ATIC: variants seen among roughly 807,000 people sequenced by gnomAD.
ATIC encodes bifunctional purine biosynthesis protein ATIC.
ATIC carries 64 observed loss-of-function variants against 72.5 expected under a neutral mutation model. The ratio of observed to expected loss-of-function variants is 0.88; its 90% confidence interval spans 0.72 to 1.09. The LOEUF is 1.09. ATIC is among the 50% of genes least tolerant of loss of function. ATIC has a pLI of 0.00. For missense variants in ATIC, 787 were observed against 732.4 expected (o/e 1.07, Z -0.86); for synonymous variants, 281 against 267.1 (o/e 1.05, Z -0.51).
the ATIC span, chr2:215,365,086 C>T: frequency 2.6e-6 from 2 of 760,074 alleles, no homozygotes; most frequent in East Asian, 2.7e-5. Context: ...TGTATCATCA[C>T]AGCGCAAACA....
chr2:215,361,842 C>T, the ATIC span: 1 of 1,335,948 alleles, frequency 7.5e-7, no homozygotes, highest in South Asian at 1.3e-5. Flanking sequence ...CAGTGTTTCA[C>T]TTAAGTCATT....
chr2:215,347,000 G>C, intron 14 of ATIC, 59 bp downstream of exon 14: 1 of 1,574,104 alleles, frequency 6.4e-7, no homozygotes, highest in South Asian at 1.1e-5. Flanking sequence ...CCCTTTATGT[G>C]TAACAGATTT....
chr2:215,348,415 A>ATCTAC (rs2053093988), intron 14 of ATIC, among the ~76,000 whole-genome samples: 3 of 152,222 alleles, frequency 2.0e-5, no homozygotes, highest in African/African-American at 7.2e-5. Flanking sequence ...GTAGTCTAAT[A>ATCTAC]GACATAAAGT....
intron 7 of ATIC, among the ~76,000 whole-genome samples, chr2:215,330,558 G>A (rs1983462): frequency 0.31 from 46,442 of 151,892 alleles, 7,694 homozygotes; most frequent in African/African-American, 0.39. Context: ...TGTACATTCT[G>A]TGTATTTGGA....
At chr2:215,335,873 C>A in intron 10 of ATIC, 162 bp from the exon 11 acceptor site, 1 of 614,146 alleles carries the variant, frequency 1.6e-6, no homozygotes, top group Non-Finnish European at 2.8e-6. Context: ...AAGCTGTATT[C>A]TAATAGATTT....
At chr2:215,312,349 A>C (rs2052662196) in intron 1 of ATIC, 149 bp from the exon 2 acceptor site, 1 of 1,520,936 alleles carries the variant, frequency 6.6e-7, no homozygotes, top group Non-Finnish European at 9.0e-7. Context: ...CGGGTGTAAG[A>C]CCTGGGGAGG....
At chr2:215,365,373 G>T in the ATIC span, 1 of 991,628 alleles carries the variant, frequency 1.0e-6, no homozygotes, top group Non-Finnish European at 1.6e-6. Context: ...CAAATCAAAA[G>T]ATTAAGAAAC....
intron 9 of ATIC, among the ~76,000 whole-genome samples, chr2:215,334,605 C>A (rs934653743): frequency 2.0e-5 from 3 of 152,130 alleles, no homozygotes; most frequent in Admixed American, 1.3e-4. Context: ...GAAACTATTA[C>A]CATAGTTTAT....
At chr2:215,332,536 G>A (rs1221672111) in intron 8 of ATIC, 29 bp downstream of exon 8, 1 of 1,611,918 alleles carries the variant, frequency 6.2e-7, no homozygotes, top group Non-Finnish European at 8.5e-7. Flanking sequence ...GAAAGCTCCA[G>A]AATTGTTCGA....
Position 215,349,626 on chromosome 2 carries a change from C to G in ATIC, c.1750C>G (p.His584Asp). The change falls in exon 16 of 16, where the codon CAT becomes GAT. Residue 584 changes from histidine (H) to aspartate (D), a missense_variant. By Grantham distance (81) the His-to-Asp change is moderately conservative. Transcript: ENST00000236959. Reference sequence around the variant, plus strand: ...CGACGAACTGGGAATCATCCTCGCTCATACGAACCTTCGGCTCTTCCACCA... The same window carrying G: ...CGACGAACTGGGAATCATCCTCGCTGATACGAACCTTCGGCTCTTCCACCA... ...ACDELGIILA[H>D]TNLRLFHH is the part of the protein sequence containing the mutation. 1 of 1,614,200 alleles carries G rather than the reference C, an allele frequency of 6.2e-7. No homozygotes were observed. The highest frequency in any genetic ancestry group is 8.5e-7 in the Non-Finnish European group (1 of 1,180,042).
At chr2:215,344,718 A>T in intron 12 of ATIC, 61 bp from the exon 13 acceptor site, 1 of 1,483,558 alleles carries the variant, frequency 6.7e-7, no homozygotes, top group East Asian at 2.3e-5. Flanking sequence ...TAAAAAAAGA[A>T]GCTTAAAGTT....
chr2:215,325,167 GT>G (rs753599464), intron 4 of ATIC, 73 bp from the exon 5 acceptor site: 11 of 1,131,404 alleles, frequency 9.7e-6, no homozygotes, highest in South Asian at 2.5e-5. Context: ...GTACTGACTT[GT>G]TTTTTTCCTA....
intron 15 of ATIC, 53 bp downstream of exon 15, chr2:215,349,302 G>A (rs778190948): frequency 1.2e-6 from 2 of 1,608,652 alleles, no homozygotes; most frequent in Non-Finnish European, 1.7e-6. Flanking sequence ...TGTAGAAACT[G>A]TTTCAGAAAT....
At chr2:215,343,662 A>G (rs1474292181) in intron 12 of ATIC, among the ~76,000 whole-genome samples, 1 of 152,006 alleles carries the variant, frequency 6.6e-6, no homozygotes, top group African/African-American at 2.4e-5. Context: ...AAGTTTTTTT[A>G]TGTTTTAGGT....
rs771363747 is a variant in ATIC at position 215,346,829 on chromosome 2, A to G, written c.1391A>G (p.Tyr464Cys). 3 of 1,614,198 alleles carry G rather than the reference A, an allele frequency of 1.9e-6. No individual in the cohort carries two copies. The highest frequency in any genetic ancestry group is 2.2e-5 in the South Asian group (2 of 91,084). Reference protein sequence around the residue: ...CTRLAGDKANYWWLRHHPQVL... With the variant: ...CTRLAGDKANCWWLRHHPQVL... Reference sequence around the variant, plus strand: ...CGCCTTGCAGGAGATAAGGCAAACTATTGGTGGCTTAGACACCATCCACAA... The same window carrying G: ...CGCCTTGCAGGAGATAAGGCAAACTGTTGGTGGCTTAGACACCATCCACAA... Residue 464 changes from tyrosine (Y) to cysteine (C), a missense_variant, in exon 14 of 16, where the codon TAT (tyrosine) becomes TGT (cysteine). Physicochemically the swap from Tyr to Cys is radical, Grantham distance 194. Transcript: ENST00000236959.
intron 4 of ATIC, among the ~76,000 whole-genome samples, chr2:215,322,859 A>G (rs1223051157): frequency 6.6e-6 from 1 of 152,138 alleles, no homozygotes; most frequent in Non-Finnish European, 1.5e-5. Flanking sequence ...GTACTACACT[A>G]TTACTATAGG....
the ATIC span, chr2:215,361,696 G>T: frequency 8.2e-7 from 1 of 1,221,770 alleles, no homozygotes; most frequent in Non-Finnish European, 1.2e-6. Flanking sequence ...AAAAAATGCG[G>T]GGAGGTGGGG....
chr2:215,333,683 T>A (rs1280448783), intron 9 of ATIC, among the ~76,000 whole-genome samples: 2 of 152,188 alleles, frequency 1.3e-5, no homozygotes, highest in Non-Finnish European at 2.9e-5. Context: ...CTATTTAATT[T>A]GTTTTATTAA....
At position 215,349,223 on chromosome 2, in the gene ATIC, C is replaced by G. The variant is rs1025725483; in HGVS notation, c.1633C>G (p.Arg545Gly). 2.5e-6 allele frequency: 4 copies of G among 1,614,060 alleles called. No homozygotes were observed. Among genetic ancestry groups the G allele is most frequent in the East Asian group, 4.5e-5 (2 of 44,874 alleles). Residue 545 changes from arginine to glycine, a missense_variant, in exon 15 of 16, where the codon CGA becomes GGA. Coordinates refer to ENST00000236959, the MANE Select transcript of ATIC (RefSeq NM_004044.7). The stretch of plus-strand genomic sequence containing the variant: ...CAGCTCTGATGCCTTCTTCCCTTTC[C>G]GAGATAACGTAGACAGAGCTAAAAG... ...SISSDAFFPF[R>G]DNVDRAKRSG...
Sources: gnomAD v4.1 joint callset for allele counts (sites outside exome capture counted in the v4.1 genomes callset) on GRCh38, gnomAD v4.1.1 for gene constraint, MANE v1.5 for transcripts, NCBI Gene and HGNC (gene_info 2026-07-23, HGNC 2026-07-21) for gene names.